ARL13B: variants seen among roughly 807,000 people sequenced by gnomAD.
ARL13B encodes the protein ARF like GTPase 13B.
A neutral mutation model predicts 56.1 loss-of-function variants in ARL13B; 36 were observed. The observed-to-expected ratio is 0.64, with a 90% CI of 0.49 to 0.85. The LOEUF (loss-of-function observed/expected upper bound fraction) is 0.85, where lower values mean the gene tolerates loss of function less well. Ranked by LOEUF, ARL13B falls within the 40% of genes least tolerant of loss-of-function variation. The probability of loss-of-function intolerance (pLI) is 0.00; values close to 1 mark genes in which losing one functional copy is unlikely to be tolerated. For missense variants in ARL13B, 519 were observed against 507.1 expected (o/e 1.02, Z -0.23); for synonymous variants, 178 against 171.1 (o/e 1.04, Z -0.32).
chr3:94,030,391 T>C (rs1178748174), intron 3 of ARL13B, among the ~76,000 whole-genome samples: 5 of 111,368 alleles, frequency 4.5e-5, no homozygotes, highest in African/African-American at 1.7e-4. Context: ...CACGCCTGGC[T>C]CATTTTTTTT....
chr3:94,049,812 C>T (rs1268233548), intron 8 of ARL13B, among the ~76,000 whole-genome samples: 1 of 151,718 alleles, frequency 6.6e-6, no homozygotes, highest in Non-Finnish European at 1.5e-5. Flanking sequence ...TATCAGTACC[C>T]ACATGTTAAT....
chr3:93,999,346 A>G (rs1396682478), intron 2 of ARL13B, among the ~76,000 whole-genome samples: 2 of 152,138 alleles, frequency 1.3e-5, no homozygotes. Flanking sequence ...GGCTCAAGCT[A>G]TCCTCCTGCC....
intron 1 of ARL13B, 58 bp downstream of exon 1, chr3:93,980,540 G>A (rs1710160605): frequency 6.3e-7 from 1 of 1,595,304 alleles, no homozygotes; most frequent in Admixed American, 1.7e-5. Context: ...TGCGCCCCAG[G>A]GGCGAGGCGC....
chr3:94,032,224 A>G (rs1225335185), intron 3 of ARL13B, among the ~76,000 whole-genome samples: 1 of 152,206 alleles, frequency 6.6e-6, no homozygotes, highest in Non-Finnish European at 1.5e-5. Flanking sequence ...AAACAACCCC[A>G]TTAAAAATGT....
At position 94,038,681 on chromosome 3, in the gene ARL13B, AC is replaced by A. The variant is rs978375912; in HGVS notation, c.690-1196del. Among the ~76,000 whole-genome samples, 26 of 151,068 alleles carry A rather than the reference AC, an allele frequency of 1.7e-4. 1 individual carries two copies. Among genetic ancestry groups the A allele is most frequent in the Admixed American group, 1.1e-3 (16 of 15,178 alleles). ...GGGGATAACAGGCATGCACCACCAC[AC>A]CCGGCTAATTTTGTATTTTCAGTAG... is the stretch of plus-strand genomic sequence containing the variant. On this transcript the variant is annotated intron_variant, in intron 5 of 9. Transcript: ENST00000394222.
intron 3 of ARL13B, among the ~76,000 whole-genome samples, chr3:94,013,989 T>G (rs1417674063): frequency 3.9e-5 from 6 of 152,170 alleles, no homozygotes; most frequent in African/African-American, 1.4e-4. Flanking sequence ...TGGTTTAGCT[T>G]TATTGTAGCA....
chr3:94,034,506 ATT>A (rs57343083), intron 3 of ARL13B, among the ~76,000 whole-genome samples: 43 of 143,270 alleles, frequency 3.0e-4, no homozygotes, highest in African/African-American at 5.1e-4. Context: ...ATTGAGTACA[ATT>A]TTTTTTTTTT....
chr3:94,047,953 A>G (rs1370664128), intron 7 of ARL13B: 1 of 152,138 alleles, frequency 6.6e-6, no homozygotes, highest in East Asian at 1.9e-4. Context: ...GATATTGTAT[A>G]TATTTTATGT....
intron 3 of ARL13B, chr3:94,015,119 G>C (rs144715706): frequency 6.2e-7 from 1 of 1,613,880 alleles, no homozygotes; most frequent in South Asian, 1.1e-5. Flanking sequence ...ATTTCATGTA[G>C]GTGTCTCTCA....
Position 94,043,023 on chromosome 3 carries a change from A to C in ARL13B, c.807A>C (p.Gly269=). Residue 269 remains glycine, a synonymous_variant, in exon 7 of 10, where the codon GGA becomes GGC. Coordinates refer to ENST00000394222, the MANE Select transcript of ARL13B (RefSeq NM_001174150.2). ...PIASVIIENE[G]KLEREKKNQK... ...ATTTTATTTTTTGTTAGAATGAAGG[A>C]AAACTTGAAAGAGAGAAAAAAAACC... 3 of 1,607,560 alleles carry C rather than the reference A, an allele frequency of 1.9e-6. No individual in the cohort carries two copies. The highest frequency in any genetic ancestry group is 2.5e-6 in the Non-Finnish European group (3 of 1,177,332).
intron 3 of ARL13B, among the ~76,000 whole-genome samples, chr3:94,031,339 A>G (rs968480603): frequency 5.9e-5 from 9 of 152,190 alleles, no homozygotes; most frequent in African/African-American, 1.7e-4. Context: ...AAGGGCCTAG[A>G]AGCAGTAGTA....
intron 2 of ARL13B, among the ~76,000 whole-genome samples, chr3:94,003,101 T>C (rs1380609030): frequency 6.6e-6 from 1 of 152,210 alleles, no homozygotes; most frequent in Non-Finnish European, 1.5e-5. Context: ...ATCCAAAATA[T>C]GTTCCTATAG....
At chr3:94,023,897 G>A (rs372170904) in intron 3 of ARL13B, among the ~76,000 whole-genome samples, 2 of 152,050 alleles carry the variant, frequency 1.3e-5, no homozygotes, top group African/African-American at 4.8e-5. Context: ...GCTTTATTAG[G>A]ATCTTTAATA....
chr3:94,041,080 G>GT (rs60890269), intron 6 of ARL13B, among the ~76,000 whole-genome samples: 4,209 of 144,874 alleles, frequency 0.029, 170 homozygotes, highest in African/African-American at 0.09. Flanking sequence ...ATTAGCTATA[G>GT]TTTTTTTTTT....
At chr3:94,008,565 T>C (rs1454068720) in intron 3 of ARL13B, among the ~76,000 whole-genome samples, 1 of 152,182 alleles carries the variant, frequency 6.6e-6, no homozygotes, top group Non-Finnish European at 1.5e-5. Context: ...GCGAGGTATT[T>C]TAAACAGCTT....
intron 2 of ARL13B, among the ~76,000 whole-genome samples, chr3:93,998,941 T>A (rs1400272931): frequency 6.6e-6 from 1 of 150,422 alleles, no homozygotes; most frequent in Non-Finnish European, 1.5e-5. Context: ...TTTTTTTTTA[T>A]TTCCGTGTGA....
chr3:94,046,774 T>A (rs536109631), intron 7 of ARL13B, among the ~76,000 whole-genome samples: 114 of 152,336 alleles, frequency 7.5e-4, no homozygotes, highest in African/African-American at 2.7e-3. Context: ...GGTTGCAAAC[T>A]TTATTGGTAC....
chr3:94,041,106 TTC>T (rs1250789782), intron 6 of ARL13B, among the ~76,000 whole-genome samples: 2 of 152,098 alleles, frequency 1.3e-5, no homozygotes, highest in South Asian at 2.1e-4. Context: ...CATACAGATT[TTC>T]TCTTTTTTTC....
intron 3 of ARL13B, among the ~76,000 whole-genome samples, chr3:94,024,705 C>T (rs1304494419): frequency 6.6e-6 from 1 of 152,108 alleles, no homozygotes; most frequent in Non-Finnish European, 1.5e-5. Flanking sequence ...TCTCCCTCAG[C>T]CTCCCGAGTA....
Sources: gnomAD v4.1 joint callset for allele counts (sites outside exome capture counted in the v4.1 genomes callset) on GRCh38, gnomAD v4.1.1 for gene constraint, MANE v1.5 for transcripts, NCBI Gene and HGNC (gene_info 2026-07-23, HGNC 2026-07-21) for gene names.